ATIC: variants seen among roughly 807,000 people sequenced by gnomAD.
ATIC encodes 5-aminoimidazole-4-carboxamide ribonucleotide formyltransferase/IMP cyclohydrolase.
Under a neutral mutation model 72.5 loss-of-function variants are expected in ATIC, and 64 were observed. That is an observed-to-expected ratio of 0.88 (90% CI 0.72 to 1.09). The LOEUF (loss-of-function observed/expected upper bound fraction) is 1.09. Among genes scored for constraint, ATIC ranks in the 50% least tolerant of loss-of-function variants. The pLI is 0.00. For missense variants in ATIC, 787 were observed against 732.4 expected, an observed-to-expected ratio of 1.07 and a Z score of -0.86; for synonymous variants, 281 against 267.1, an observed-to-expected ratio of 1.05 and a Z score of -0.51.
At position 215,312,069 on chromosome 2, in the gene ATIC, G is replaced by T. The variant is rs925974157; in HGVS notation, c.-74G>T. ...CTCGCTTCCTGAGCCGCCACATCCC[G>T]GCAGCCCTCCTACCTGCGCACGTGG... On this transcript the variant is annotated 5_prime_UTR_variant, in exon 1 of 16. Coordinates refer to ENST00000236959, the MANE Select transcript of ATIC (RefSeq NM_004044.7). The T allele has an allele frequency of 5.2e-6, 8 of 1,525,472 alleles. No homozygotes were observed. In the African/African-American group the frequency reaches 8.3e-5, roughly 16 times the overall value. 94.5% of individuals were successfully genotyped at this position (1,525,472 alleles called of 1,614,324 possible).
chr2:215,327,056 T>A, intron 7 of ATIC, 78 bp downstream of exon 7: 1 of 1,595,662 alleles, frequency 6.3e-7, no homozygotes, highest in Non-Finnish European at 8.6e-7. Flanking sequence ...CTGATGTGGT[T>A]CACATTCAGA....
chr2:215,332,747 T>G (rs2052909772), intron 8 of ATIC, among the ~76,000 whole-genome samples: 1 of 152,146 alleles, frequency 6.6e-6, no homozygotes, highest in Admixed American at 6.6e-5. Flanking sequence ...CATAAAAGTT[T>G]AGAAAATAAA....
intron 4 of ATIC, 34 bp from the exon 5 acceptor site, chr2:215,325,207 T>C (rs1258616581): frequency 1.3e-6 from 2 of 1,567,356 alleles, no homozygotes; most frequent in Admixed American, 1.7e-5. Context: ...GAGTGGACTT[T>C]TTAATGACAG....
intron 13 of ATIC, 149 bp from the exon 14 acceptor site, chr2:215,346,610 C>A: frequency 1.1e-6 from 1 of 908,622 alleles, no homozygotes; most frequent in Non-Finnish European, 1.8e-6. Flanking sequence ...CTTTTAATGA[C>A]TTAAAAATTA....
At chr2:215,356,691 A>C in the ATIC span, among the ~76,000 whole-genome samples, 1 of 152,234 alleles carries the variant, frequency 6.6e-6, no homozygotes, top group Non-Finnish European at 1.5e-5. Context: ...TTTTGCCTAA[A>C]TTGGATCACA....
In ATIC at chr2:215,326,872, G is replaced by T. The variant is rs1179596994; in HGVS notation, c.582G>T (p.Arg194Ser). The change falls in exon 7 of 16, where the codon AGG (arginine) becomes AGT (serine). Residue 194 changes from arginine to serine, a missense_variant. Coordinates refer to ENST00000236959, the MANE Select transcript of ATIC (RefSeq NM_004044.7). ...QYDEAISDYF[R>S]KQYSKGVSQM... ...ATGAAGCAATTTCAGATTATTTCAGGAAACAGTACAGCAAAGGCGTATCTC... is the reference window on the plus strand; with the variant it reads ...ATGAAGCAATTTCAGATTATTTCAGTAAACAGTACAGCAAAGGCGTATCTC... 1.2e-6 allele frequency: 2 copies of T among 1,613,956 alleles called. No homozygotes were observed. The highest frequency in any genetic ancestry group is 2.7e-5 in the African/African-American group (2 of 74,882).
At chr2:215,317,661 A>AT (rs1003745944) in intron 2 of ATIC, among the ~76,000 whole-genome samples, 22 of 151,526 alleles carry the variant, frequency 1.5e-4, no homozygotes, top group African/African-American at 4.9e-4. Context: ...AATTTTTTGT[A>AT]TTTTTTTAGT....
At chr2:215,361,505 A>C in the ATIC span, 1 of 1,299,762 alleles carries the variant, frequency 7.7e-7, no homozygotes, top group Non-Finnish European at 1.1e-6. Flanking sequence ...TCCAGTTTAG[A>C]TGGATCTTGG....
intron 7 of ATIC, among the ~76,000 whole-genome samples, chr2:215,331,443 C>T (rs891159160): frequency 1.3e-4 from 18 of 140,350 alleles, no homozygotes; most frequent in East Asian, 2.2e-4. Context: ...AGTGCAGTGG[C>T]GCGGTTTCGG....
At chr2:215,351,570 G>T (rs762940433), downstream of ATIC, among the ~76,000 whole-genome samples, 1 of 152,106 alleles carries the variant, frequency 6.6e-6, no homozygotes, top group African/African-American at 2.4e-5. Context: ...GCAACATAGC[G>T]ACATCCTCAT....
intron 7 of ATIC, among the ~76,000 whole-genome samples, chr2:215,331,737 T>C (rs1282045959): frequency 1.3e-5 from 2 of 151,980 alleles, no homozygotes; most frequent in Non-Finnish European, 2.9e-5. Flanking sequence ...GCTGAACTTC[T>C]TATGTTTATT....
intron 5 of ATIC, among the ~76,000 whole-genome samples, chr2:215,325,694 C>A (rs1476454793): frequency 6.6e-6 from 1 of 152,028 alleles, no homozygotes; most frequent in Non-Finnish European, 1.5e-5. Context: ...TCCTGAGTAG[C>A]TGGGATTACA....
intron 13 of ATIC, 87 bp downstream of exon 13, chr2:215,344,958 C>A: frequency 1.5e-6 from 2 of 1,348,926 alleles, no homozygotes; most frequent in Non-Finnish European, 2.1e-6. Flanking sequence ...TATTGGACAG[C>A]TTGAAAGGGA....
intron 7 of ATIC, among the ~76,000 whole-genome samples, chr2:215,329,139 C>T (rs2052862555): frequency 6.6e-6 from 1 of 152,178 alleles, no homozygotes; most frequent in Non-Finnish European, 1.5e-5. Context: ...AGCAACCTGA[C>T]ATTTTGCACA....
chr2:215,316,017 T>A (rs909275594), intron 2 of ATIC, among the ~76,000 whole-genome samples: 1 of 152,006 alleles, frequency 6.6e-6, no homozygotes, highest in Non-Finnish European at 1.5e-5. Flanking sequence ...GGTGTTGTTA[T>A]CTGCAATAAT....
chr2:215,341,025 C>G (rs1179617224), intron 12 of ATIC, among the ~76,000 whole-genome samples: 3 of 152,194 alleles, frequency 2.0e-5, no homozygotes, highest in Non-Finnish European at 4.4e-5. Flanking sequence ...GGGGCTGCAG[C>G]TTGCTCCCAG....
intron 9 of ATIC, among the ~76,000 whole-genome samples, chr2:215,333,839 G>A (rs1206335974): frequency 4.6e-5 from 7 of 151,884 alleles, no homozygotes; most frequent in Admixed American, 2.0e-4. Context: ...TCAGGAGATC[G>A]AGACCATCCT....
At chr2:215,318,514 A>G (rs2052734102) in intron 3 of ATIC, among the ~76,000 whole-genome samples, 1 of 152,178 alleles carries the variant, frequency 6.6e-6, no homozygotes, top group Non-Finnish European at 1.5e-5. Context: ...TGCTGAAGAT[A>G]TTTAGATTTC....
chr2:215,330,712 CTT>C (rs111990936), intron 7 of ATIC, among the ~76,000 whole-genome samples: 10 of 140,824 alleles, frequency 7.1e-5, no homozygotes, highest in Admixed American at 7.2e-5. Flanking sequence ...TTTCTCTTTT[CTT>C]TTTTTTTTTT....
Sources: allele counts gnomAD v4.1 joint callset (sites outside exome capture counted in the v4.1 genomes callset), GRCh38; gene constraint gnomAD v4.1.1; transcripts MANE v1.5; gene names NCBI Gene and HGNC (gene_info 2026-07-23, HGNC 2026-07-21).